RGS6: variants seen among roughly 807,000 people sequenced by gnomAD.
RGS6 encodes the protein regulator of G-protein signaling 6.
A neutral mutation model predicts 78.5 loss-of-function variants in RGS6; 30 were observed. The observed-to-expected ratio is 0.38, with a 90% CI of 0.29 to 0.52. The LOEUF is 0.52. RGS6 is among the 20% of genes least tolerant of loss of function. The pLI is 0.85. For missense variants in RGS6, 495 were observed against 609.7 expected, an observed-to-expected ratio of 0.81 and a Z score of 1.98; for synonymous variants, 206 against 206.0, an observed-to-expected ratio of 1.00 and a Z score of 0.00.
At chr14:72,275,207 A>G (rs2060497464) in intron 2 of RGS6, among the ~76,000 whole-genome samples, 1 of 152,250 alleles carries the variant, frequency 6.6e-6, no homozygotes, top group Non-Finnish European at 1.5e-5. Context: ...TTTCTAAAAA[A>G]TATCTTTAAT....
chr14:71,928,166 CTCTT>C (rs1446546456), upstream of RGS6, among the ~76,000 whole-genome samples: 1 of 152,160 alleles, frequency 6.6e-6, no homozygotes, highest in Non-Finnish European at 1.5e-5. Context: ...TTGTTCAAGA[CTCTT>C]TATTGCTAAG....
chr14:71,902,665 A>C, the RGS6 span, among the ~76,000 whole-genome samples: 1 of 152,224 alleles, frequency 6.6e-6, no homozygotes, highest in Non-Finnish European at 1.5e-5. Flanking sequence ...ATAGTTAGAG[A>C]AATAGAAAGA....
At chr14:72,490,072 C>A (rs976992674) in intron 12 of RGS6, among the ~76,000 whole-genome samples, 2 of 152,112 alleles carry the variant, frequency 1.3e-5, no homozygotes, top group Non-Finnish European at 2.9e-5. Flanking sequence ...TCGTAAAGCT[C>A]TTGATATGGT....
chr14:72,185,772 C>A (rs2097234693), intron 2 of RGS6, among the ~76,000 whole-genome samples: 1 of 152,124 alleles, frequency 6.6e-6, no homozygotes, highest in African/African-American at 2.4e-5. Flanking sequence ...GGGGAGACCC[C>A]ATCTCTACAA....
intron 2 of RGS6, among the ~76,000 whole-genome samples, chr14:72,235,051 G>C (rs895640282): frequency 6.6e-6 from 1 of 152,080 alleles, no homozygotes; most frequent in Non-Finnish European, 1.5e-5. Context: ...GCCATCTGAC[G>C]TGGTATTTAT....
chr14:72,212,990 C>G (rs1288816264), intron 2 of RGS6, among the ~76,000 whole-genome samples: 4 of 152,140 alleles, frequency 2.6e-5, no homozygotes, highest in African/African-American at 9.7e-5. Context: ...AGTCTCTACA[C>G]CAGTTGTATT....
intron 13 of RGS6, among the ~76,000 whole-genome samples, chr14:72,497,549 G>A (rs2096661389): frequency 6.6e-6 from 1 of 151,840 alleles, no homozygotes; most frequent in Admixed American, 6.6e-5. Context: ...TATTCTAGTT[G>A]TATTAACTTT....
rs2093365152 is a variant in RGS6, at chr14:72,052,978, T to TTTCC, written c.84+88106_84+88107insCTTC. Among the ~76,000 whole-genome samples the TTTCC allele has an allele frequency of 1.3e-4, 6 of 45,938 alleles. No homozygotes were observed. In the Admixed American group the frequency reaches 1.5e-3, roughly 11 times the overall value. The allele number at this position is 45,938 out of a possible 152,430, so 30.1% of individuals were successfully genotyped here. A position where few individuals can be genotyped will look rare whatever the true frequency, so the allele number is the denominator to read the frequency against. ...CTTTCTTTCTTTCTTTCTTTCTTTC[T>TTTCC]TTCTTTCTCTCTCTCTCTCTCTCTC... On this transcript the variant is annotated intron_variant, in intron 2 of 17. Transcript: ENST00000553525.
intron 2 of RGS6, among the ~76,000 whole-genome samples, chr14:71,994,897 T>C (rs1056496536): frequency 1.3e-5 from 2 of 152,192 alleles, no homozygotes; most frequent in African/African-American, 4.8e-5. Context: ...TGTGGTACTT[T>C]GTTGCTGTGG....
rs116045029 is a variant in RGS6 at position 72,079,851 on chromosome 14, C to T, written c.84+114976C>T. Among the ~76,000 whole-genome samples the T allele has an allele frequency of 4.3e-3, 656 of 152,264 alleles. 6 individuals carry two copies. The highest frequency in any genetic ancestry group is 0.015 in the African/African-American group (620 of 41,564). On this transcript the variant is annotated intron_variant, in intron 2 of 17. Coordinates refer to ENST00000553525, the MANE Select transcript of RGS6 (RefSeq NM_001204424.2). ...ATGTCCTCCAGGTTGACCATGTTGTCATAAATGACAGATATCCTTCTTTTT... is the reference window on the plus strand; with the variant it reads ...ATGTCCTCCAGGTTGACCATGTTGTTATAAATGACAGATATCCTTCTTTTT...
chr14:72,436,265 T>C (rs978165052), intron 3 of RGS6, among the ~76,000 whole-genome samples: 1 of 120,382 alleles, frequency 8.3e-6, no homozygotes, highest in Non-Finnish European at 1.6e-5. Context: ...ATCTTATTTG[T>C]TTTTTTTTTT....
chr14:72,341,918 C>T (rs547432471), intron 2 of RGS6, among the ~76,000 whole-genome samples: 3,527 of 50,932 alleles, frequency 0.069, 62 homozygotes, highest in African/African-American at 0.17. Flanking sequence ...TGTTCCCTGC[C>T]TTTTCCAGGA....
At chr14:72,048,575 G>GTT (rs2153403692) in intron 2 of RGS6, among the ~76,000 whole-genome samples, 1 of 152,270 alleles carries the variant, frequency 6.6e-6, no homozygotes, top group South Asian at 2.1e-4. Flanking sequence ...GTATTTAGAA[G>GTT]TTTCCAGTCA....
chr14:72,516,695 T>C (rs79156636), intron 14 of RGS6: 4,343 of 152,790 alleles, frequency 0.028, 225 homozygotes, highest in African/African-American at 0.099. Context: ...CCTGAAAGCA[T>C]TTCTGAGTTA....
intron 2 of RGS6, among the ~76,000 whole-genome samples, chr14:72,009,036 G>A (rs1389807466): frequency 6.6e-6 from 1 of 152,202 alleles, no homozygotes; most frequent in East Asian, 1.9e-4. Flanking sequence ...GTGCTAGGCA[G>A]AGGGTGTGTA....
intron 1 of RGS6, among the ~76,000 whole-genome samples, chr14:71,961,148 G>A (rs893694174): frequency 5.9e-5 from 9 of 152,172 alleles, no homozygotes; most frequent in African/African-American, 9.7e-5. Flanking sequence ...ATGCTCCACC[G>A]CAGTGGTTTT....
chr14:71,937,533 A>T (rs1040441775), intron 1 of RGS6, among the ~76,000 whole-genome samples: 12 of 152,328 alleles, frequency 7.9e-5, no homozygotes, highest in African/African-American at 2.9e-4. Context: ...TGGCATTGTA[A>T]TTGTGACTTC....
intron 3 of RGS6, among the ~76,000 whole-genome samples, chr14:72,362,684 G>T (rs1047079654): frequency 6.6e-6 from 1 of 152,204 alleles, no homozygotes. Flanking sequence ...ACCTCTTAGG[G>T]CCTAGGCTCC....
chr14:72,067,290 A>G (rs2094197839), intron 2 of RGS6, among the ~76,000 whole-genome samples: 1 of 152,140 alleles, frequency 6.6e-6, no homozygotes, highest in South Asian at 2.1e-4. Flanking sequence ...GGAGGGGAAC[A>G]TCACACACCA....
Sources: gnomAD v4.1 joint callset for allele counts (sites outside exome capture counted in the v4.1 genomes callset) on GRCh38, gnomAD v4.1.1 for gene constraint, MANE v1.5 for transcripts, NCBI Gene and HGNC (gene_info 2026-07-23, HGNC 2026-07-21) for gene names.